STK39: variants seen among roughly 807,000 people sequenced by gnomAD.
STK39 encodes serine/threonine kinase 39, also known as STE20/SPS1-related proline-alanine-rich protein kinase.
STK39 carries 20 observed loss-of-function variants against 77.8 expected under a neutral mutation model. That is an observed-to-expected ratio of 0.26 (90% CI 0.18 to 0.37). STK39 has a LOEUF of 0.37. Among genes scored for constraint, STK39 ranks in the 10% least tolerant of loss-of-function variants. The probability of loss-of-function intolerance (pLI) is 1.00; values close to 1 mark genes in which losing one functional copy is unlikely to be tolerated. For synonymous variants in STK39, 246 were observed against 234.1 expected, an observed-to-expected ratio of 1.05 and a Z score of -0.47; for missense variants, 479 against 656.5, an observed-to-expected ratio of 0.73 and a Z score of 2.95.
chr2:168,059,677 G>A (rs566447004), intron 14 of STK39, among the ~76,000 whole-genome samples: 1 of 152,224 alleles, frequency 6.6e-6, no homozygotes, highest in South Asian at 2.1e-4. Context: ...AACTGTACCC[G>A]GACTTACAAC....
chr2:168,073,574 G>A (rs1052973926), intron 12 of STK39, among the ~76,000 whole-genome samples: 3 of 152,104 alleles, frequency 2.0e-5, no homozygotes, highest in Non-Finnish European at 2.9e-5. Context: ...TGTGTTCCAC[G>A]TGGGGCTCAT....
chr2:168,169,780 G>C (rs755502459), intron 2 of STK39, among the ~76,000 whole-genome samples: 3 of 152,132 alleles, frequency 2.0e-5, no homozygotes, highest in Admixed American at 6.5e-5. Flanking sequence ...TTAAATGAGT[G>C]GGGGATGAGG....
At chr2:168,242,560 A>AAAAATAT (rs1296747890) in intron 1 of STK39, among the ~76,000 whole-genome samples, 1 of 44,868 alleles carries the variant, frequency 2.2e-5, no homozygotes, top group South Asian at 7.2e-4. Flanking sequence ...AAAAAAAAAA[A>AAAAATAT]ATATATATAT....
chr2:168,130,016 C>T (rs534586196), intron 8 of STK39, among the ~76,000 whole-genome samples: 177 of 152,324 alleles, frequency 1.2e-3, no homozygotes, highest in Middle Eastern at 3.4e-3. Flanking sequence ...CATCCTTCAT[C>T]CTTACACTTA....
chr2:168,142,586 C>T (rs1234566127), intron 5 of STK39, among the ~76,000 whole-genome samples: 1 of 152,108 alleles, frequency 6.6e-6, no homozygotes, highest in Non-Finnish European at 1.5e-5. Flanking sequence ...AAAATACTAC[C>T]TGCTTACATT....
intron 16 of STK39, among the ~76,000 whole-genome samples, chr2:167,969,953 ACT>A (rs1342021790): frequency 1.3e-5 from 2 of 149,868 alleles, no homozygotes; most frequent in African/African-American, 4.9e-5. Flanking sequence ...ATCCCTCACC[ACT>A]CTCTCCCTTG....
Position 168,228,627 on chromosome 2 carries a change from T to C in STK39, c.208+18601A>G, listed in dbSNP as rs538110388. 5.9e-5 allele frequency among the ~76,000 whole-genome samples: 9 copies of C among 151,978 alleles called. No individual in the cohort carries two copies. The East Asian group carries it at 7.8e-4, about 13-fold the overall frequency. The stretch of plus-strand genomic sequence containing the variant: ...CCAACATGGTGAAACCCCATCTCTA[T>C]TAAAAATACAAAATTAGCCTAGTGT... On this transcript the variant is annotated intron_variant, in intron 1 of 17. Transcript: ENST00000355999.
chr2:168,094,371 C>T (rs1054591909), intron 10 of STK39, among the ~76,000 whole-genome samples: 4 of 152,214 alleles, frequency 2.6e-5, no homozygotes, highest in Non-Finnish European at 5.9e-5. Context: ...CCCCTCCACA[C>T]TGAACTTTTG....
intron 14 of STK39, among the ~76,000 whole-genome samples, chr2:168,052,780 G>A (rs1456055389): frequency 2.6e-5 from 4 of 152,196 alleles, no homozygotes; most frequent in Non-Finnish European, 4.4e-5. Flanking sequence ...ATTCTTTAAA[G>A]AATAAGCTTT....
chr2:168,057,510 A>C (rs749949368), intron 14 of STK39, among the ~76,000 whole-genome samples: 1 of 152,138 alleles, frequency 6.6e-6, no homozygotes. Context: ...AATGTTTTTA[A>C]ATGTTGTGTT....
chr2:168,140,798 C>T (rs1196779440), intron 5 of STK39, 40 bp from the exon 6 acceptor site: 1 of 1,483,692 alleles, frequency 6.7e-7, no homozygotes, highest in Non-Finnish European at 9.2e-7. Context: ...TTATGTAAGA[C>T]ATTATTGCTT....
rs541256200 is a variant in STK39, at chr2:168,219,701, T to C, written c.208+27527A>G. On this transcript the variant is annotated intron_variant, in intron 1 of 17. Coordinates refer to ENST00000355999, the MANE Select transcript of STK39 (RefSeq NM_013233.3). ...TCTCACAATTGCTCTCCTACCAATCTCAGTGTTGTCTAATGGTCCAGGTTT... is the reference window on the plus strand; with the variant it reads ...TCTCACAATTGCTCTCCTACCAATCCCAGTGTTGTCTAATGGTCCAGGTTT... Among the ~76,000 whole-genome samples, 93 of 152,262 alleles carry C rather than the reference T, an allele frequency of 6.1e-4. 2 individuals are homozygous for C. The highest frequency in any genetic ancestry group is 2.2e-3 in the African/African-American group (90 of 41,522).
intron 10 of STK39, among the ~76,000 whole-genome samples, chr2:168,094,028 C>T (rs376739612): frequency 2.6e-5 from 4 of 152,324 alleles, no homozygotes; most frequent in African/African-American, 7.2e-5. Flanking sequence ...GGAAGGAAGA[C>T]TACCACATAT....
intron 2 of STK39, among the ~76,000 whole-genome samples, chr2:168,175,941 T>C (rs531048394): frequency 6.6e-6 from 1 of 152,266 alleles, no homozygotes; most frequent in African/African-American, 2.4e-5. Context: ...CCTGAAATGC[T>C]CAAAACTATA....
At chr2:168,140,058 T>C (rs1386582874) in intron 7 of STK39, among the ~76,000 whole-genome samples, 4 of 152,188 alleles carry the variant, frequency 2.6e-5, no homozygotes, top group African/African-American at 7.2e-5. Context: ...TCTGATAACA[T>C]TATTTTCTTA....
At chr2:168,244,687 T>C (rs1690854306) in intron 1 of STK39, among the ~76,000 whole-genome samples, 1 of 152,240 alleles carries the variant, frequency 6.6e-6, no homozygotes, top group Non-Finnish European at 1.5e-5. Flanking sequence ...ATTAAGCCCT[T>C]GCGAAAAACC....
At chr2:168,123,609 C>A (rs919171310) in intron 10 of STK39, among the ~76,000 whole-genome samples, 4 of 152,096 alleles carry the variant, frequency 2.6e-5, no homozygotes, top group Admixed American at 2.6e-4. Context: ...ATGGCTCATG[C>A]CTGTAATCCC....
chr2:168,242,560 AATATATATATATATATAT>A (rs59941306), intron 1 of STK39, among the ~76,000 whole-genome samples: 9,022 of 44,856 alleles, frequency 0.2, 1,278 homozygotes, highest in East Asian at 0.58. Flanking sequence ...AAAAAAAAAA[AATATATATATATATATAT>A]ATATATATAT....
intron 16 of STK39, among the ~76,000 whole-genome samples, chr2:167,985,009 TACCTG>T: frequency 6.6e-6 from 1 of 152,180 alleles, no homozygotes; most frequent in East Asian, 1.9e-4. Context: ...GACATTACAG[TACCTG>T]GCTTTACTAC....
Sources: gnomAD v4.1 joint callset for allele counts (sites outside exome capture counted in the v4.1 genomes callset) on GRCh38, gnomAD v4.1.1 for gene constraint, MANE v1.5 for transcripts, NCBI Gene and HGNC (gene_info 2026-07-23, HGNC 2026-07-21) for gene names.